The following ASIC2 variants were observed in gnomAD, a reference collection of about 807,000 sequenced individuals.
ASIC2 encodes the protein acid sensing ion channel subunit 2, also known as acid-sensing ion channel 2.
Under a neutral mutation model 57.3 loss-of-function variants are expected in ASIC2, and 25 were observed. That is an observed-to-expected ratio of 0.44 (90% CI 0.32 to 0.61). ASIC2 has a LOEUF of 0.61. Among genes scored for constraint, ASIC2 ranks in the 20% least tolerant of loss-of-function variants. The pLI is 0.06. For synonymous variants in ASIC2, 319 were observed against 307.5 expected (o/e 1.04, Z -0.39); for missense variants, 641 against 738.1 (o/e 0.87, Z 1.52).
At chr17:34,115,988 A>C (rs1222413323) in intron 1 of ASIC2, among the ~76,000 whole-genome samples, 2 of 152,222 alleles carry the variant, frequency 1.3e-5, no homozygotes, top group African/African-American at 4.8e-5. Flanking sequence ...AACCCAGAGA[A>C]GGGCAGGAAG....
chr17:33,193,723 CG>C (rs1456418101), intron 1 of ASIC2, among the ~76,000 whole-genome samples: 1 of 152,098 alleles, frequency 6.6e-6, no homozygotes, highest in Non-Finnish European at 1.5e-5. Flanking sequence ...TCAGAGAGTC[CG>C]GGCTGGAGAG....
intron 1 of ASIC2, among the ~76,000 whole-genome samples, chr17:33,877,737 G>C (rs1164710273): frequency 6.6e-6 from 1 of 152,346 alleles, no homozygotes; most frequent in South Asian, 2.1e-4. Context: ...AAATGTCCCT[G>C]TATGACAGCT....
intron 1 of ASIC2, among the ~76,000 whole-genome samples, chr17:33,370,466 C>G (rs1909014373): frequency 6.6e-6 from 1 of 152,166 alleles, no homozygotes; most frequent in South Asian, 2.1e-4. Flanking sequence ...GCAAGGCCTT[C>G]ATTAAAGACA....
At chr17:33,067,493 C>T (rs1470471478) in intron 3 of ASIC2, among the ~76,000 whole-genome samples, 1 of 152,156 alleles carries the variant, frequency 6.6e-6, no homozygotes, top group Non-Finnish European at 1.5e-5. Context: ...TGGGAATCTG[C>T]AGGGCACACT....
chr17:34,067,589 CAAG>C (rs777410938), intron 1 of ASIC2, among the ~76,000 whole-genome samples: 3 of 152,040 alleles, frequency 2.0e-5, no homozygotes, highest in African/African-American at 7.2e-5. Context: ...AAAACTATCC[CAAG>C]AAGATTACTG....
intron 1 of ASIC2, among the ~76,000 whole-genome samples, chr17:33,460,194 C>A (rs1912588707): frequency 6.6e-6 from 1 of 152,124 alleles, no homozygotes; most frequent in Admixed American, 6.6e-5. Flanking sequence ...CGGGTATTGA[C>A]CCCACTCTTA....
At chr17:33,361,253 G>A (rs1908593981) in intron 1 of ASIC2, among the ~76,000 whole-genome samples, 1 of 152,186 alleles carries the variant, frequency 6.6e-6, no homozygotes, top group South Asian at 2.1e-4. Flanking sequence ...GGGAACAAAG[G>A]GGAAGCCCAC....
At chr17:34,131,604 C>G (rs1236712015) in intron 1 of ASIC2, among the ~76,000 whole-genome samples, 2 of 152,242 alleles carry the variant, frequency 1.3e-5, no homozygotes, top group Non-Finnish European at 2.9e-5. Flanking sequence ...GGGAAGCCAG[C>G]TTGTGGTCTG....
At chr17:33,998,841 C>G (rs1284114781) in intron 1 of ASIC2, among the ~76,000 whole-genome samples, 1 of 152,110 alleles carries the variant, frequency 6.6e-6, no homozygotes, top group African/African-American at 2.4e-5. Flanking sequence ...ATGTATTCTG[C>G]TACTGTCAGA....
intron 1 of ASIC2, among the ~76,000 whole-genome samples, chr17:33,810,935 T>C (rs142624987): frequency 8.5e-4 from 129 of 151,648 alleles, no homozygotes; most frequent in African/African-American, 2.9e-3. Flanking sequence ...CAACTAATGA[T>C]AGAAAAAAGG....
At chr17:33,172,722 T>C (rs1268110871) in intron 1 of ASIC2, among the ~76,000 whole-genome samples, 4 of 152,202 alleles carry the variant, frequency 2.6e-5, no homozygotes, top group Non-Finnish European at 4.4e-5. Flanking sequence ...AATGCAGTGG[T>C]TCTCAAAGTG....
Position 33,016,014 on chromosome 17 carries a change from A to G in ASIC2, c.1547T>C (p.Leu516Pro). Residue 516 changes from leucine (L) to proline (P), a missense_variant, in exon 9 of 10, where the codon CTG (leucine) becomes CCG (proline). Around this residue, in one of 3 missense-constraint regions of ASIC2, gnomAD observed 252 missense variants for 319.8 expected, o/e 0.79. Transcript: ENST00000225823. ...CCCTTCGTCCTCCTCTTTGCCAAGC[A>G]GGTCTAATAGCTTCTCTTTGATCAG... is the stretch of plus-strand genomic sequence containing the variant. ...YELIKEKLLD[L>P]LGKEEDEGSH... 3 of 1,614,052 alleles carry G rather than the reference A, an allele frequency of 1.9e-6. No homozygotes were observed. Among genetic ancestry groups the G allele is most frequent in the Non-Finnish European group, 2.5e-6 (3 of 1,179,966 alleles).
chr17:33,439,220 T>A (rs1333770719), intron 1 of ASIC2, among the ~76,000 whole-genome samples: 3 of 152,196 alleles, frequency 2.0e-5, no homozygotes, highest in Non-Finnish European at 4.4e-5. Context: ...ACCTGGCTGA[T>A]ACCATGATCT....
intron 6 of ASIC2, among the ~76,000 whole-genome samples, chr17:33,021,801 T>A (rs2091836711): frequency 6.6e-6 from 1 of 152,208 alleles, no homozygotes; most frequent in Non-Finnish European, 1.5e-5. Flanking sequence ...ATCAAGTCAA[T>A]TGCCAGAAGT....
intron 1 of ASIC2, among the ~76,000 whole-genome samples, chr17:33,953,073 A>C (rs1218218576): frequency 6.6e-6 from 1 of 152,212 alleles, no homozygotes; most frequent in Admixed American, 6.5e-5. Context: ...TATTTATGAC[A>C]TACACAAATA....
At chr17:34,141,459 C>T (rs950740827) in intron 1 of ASIC2, among the ~76,000 whole-genome samples, 1 of 152,150 alleles carries the variant, frequency 6.6e-6, no homozygotes, top group African/African-American at 2.4e-5. Flanking sequence ...CCATGTGTTA[C>T]CTCTGGACCT....
chr17:33,479,164 A>G (rs868135769), intron 1 of ASIC2, among the ~76,000 whole-genome samples: 8 of 151,832 alleles, frequency 5.3e-5, no homozygotes, highest in Middle Eastern at 3.4e-3. Flanking sequence ...ACGCCCAGCT[A>G]ATTTTTGTGT....
chr17:33,820,494 A>G (rs1045273822), intron 1 of ASIC2, among the ~76,000 whole-genome samples: 3 of 152,358 alleles, frequency 2.0e-5, no homozygotes, highest in Non-Finnish European at 2.9e-5. Context: ...TTCATATGTG[A>G]AAAGAAATAT....
chr17:33,789,051 T>C (rs941023413), intron 1 of ASIC2, among the ~76,000 whole-genome samples: 10 of 152,164 alleles, frequency 6.6e-5, no homozygotes, highest in Non-Finnish European at 1.0e-4. Context: ...AAAAAGTGTG[T>C]AACACCTTCC....
Sources: gnomAD v4.1 joint callset for allele counts (sites outside exome capture counted in the v4.1 genomes callset) on GRCh38, gnomAD v4.1.1 for gene constraint, gnomAD v4.1.1 regional missense constraint, MANE v1.5 for transcripts, NCBI Gene and HGNC (gene_info 2026-07-23, HGNC 2026-07-21) for gene names.